SLC35D4: variants seen among roughly 807,000 people sequenced by gnomAD.
SLC35D4 encodes solute carrier family 35 member D4.
chr18:23,365,780 G>T, the SLC35D4 span: 1 of 1,170,810 alleles, frequency 8.5e-7, no homozygotes. Flanking sequence ...CAAATTATCT[G>T]CACTGACTCA....
chr18:23,313,156 A>AAAAAAAAAAAAAAAAAAAT, the SLC35D4 span, among the ~76,000 whole-genome samples: 9 of 146,626 alleles, frequency 6.1e-5, no homozygotes, highest in Non-Finnish European at 1.1e-4. Flanking sequence ...AAAAAAAAAA[A>AAAAAAAAAAAAAAAAAAAT]AGAACCTGAG....
the SLC35D4 span, among the ~76,000 whole-genome samples, chr18:23,256,357 T>C: frequency 2.2e-4 from 34 of 152,340 alleles, no homozygotes; most frequent in Middle Eastern, 6.8e-3. Flanking sequence ...TGTAGCACTG[T>C]GAAAGTGGAG....
chr18:23,290,977 A>T, the SLC35D4 span, among the ~76,000 whole-genome samples: 2 of 152,222 alleles, frequency 1.3e-5, no homozygotes, highest in African/African-American at 2.4e-5. Context: ...TGTCTCTGCC[A>T]CTAGAAAGTA....
chr18:23,276,427 A>ATT, the SLC35D4 span, among the ~76,000 whole-genome samples: 3 of 147,060 alleles, frequency 2.0e-5, no homozygotes, highest in Admixed American at 2.2e-4. Flanking sequence ...TTTTACCAGA[A>ATT]TTTTGTTTTT....
the SLC35D4 span, among the ~76,000 whole-genome samples, chr18:23,291,438 G>A: frequency 6.6e-6 from 1 of 152,220 alleles, no homozygotes; most frequent in Non-Finnish European, 1.5e-5. Flanking sequence ...ATGCTTTTGT[G>A]GCAGGAATTC....
the SLC35D4 span, among the ~76,000 whole-genome samples, chr18:23,378,068 C>T: frequency 3.7e-4 from 56 of 151,828 alleles, no homozygotes; most frequent in African/African-American, 1.3e-3. Context: ...CTCTGTTGCC[C>T]TGGCTGGAGT....
the SLC35D4 span, among the ~76,000 whole-genome samples, chr18:23,429,886 C>A: frequency 6.6e-6 from 1 of 152,056 alleles, no homozygotes; most frequent in African/African-American, 2.4e-5. Context: ...TATTTAGGTT[C>A]CTTATAGATT....
At chr18:23,417,404 A>G in the SLC35D4 span, among the ~76,000 whole-genome samples, 5 of 152,224 alleles carry the variant, frequency 3.3e-5, no homozygotes, top group African/African-American at 1.2e-4. Flanking sequence ...AATGCTAAGT[A>G]AAATAAGTCA....
At chr18:23,417,687 C>T in the SLC35D4 span, among the ~76,000 whole-genome samples, 1 of 152,074 alleles carries the variant, frequency 6.6e-6, no homozygotes, top group African/African-American at 2.4e-5. Context: ...TTATGTAATA[C>T]ATATTTTATT....
At chr18:23,409,777 G>C in the SLC35D4 span, among the ~76,000 whole-genome samples, 3 of 151,740 alleles carry the variant, frequency 2.0e-5, no homozygotes, top group Non-Finnish European at 4.4e-5. Context: ...CCAGGAGGTG[G>C]AGGCTGCAGT....
At chr18:23,248,232 C>T in the SLC35D4 span, among the ~76,000 whole-genome samples, 6 of 152,286 alleles carry the variant, frequency 3.9e-5, no homozygotes, top group East Asian at 3.9e-4. Context: ...GATCGGATAT[C>T]GTCAGTGCCT....
At chr18:23,309,596 C>T in the SLC35D4 span, 1 of 1,223,558 alleles carries the variant, frequency 8.2e-7, no homozygotes. Flanking sequence ...CACTCCCTTT[C>T]TGCAACATTT....
chr18:23,373,513 C>T, the SLC35D4 span, among the ~76,000 whole-genome samples: 1 of 152,178 alleles, frequency 6.6e-6, no homozygotes, highest in East Asian at 1.9e-4. Context: ...ACGATGCCTG[C>T]AGCCCTGCGG....
At chr18:23,383,019 C>A in the SLC35D4 span, among the ~76,000 whole-genome samples, 1 of 152,266 alleles carries the variant, frequency 6.6e-6, no homozygotes, top group South Asian at 2.1e-4. Flanking sequence ...TCCAAGGGGC[C>A]TCCAGGGTTT....
chr18:23,276,446 T>TA, the SLC35D4 span, among the ~76,000 whole-genome samples: 1 of 151,342 alleles, frequency 6.6e-6, no homozygotes, highest in Non-Finnish European at 1.5e-5. Context: ...TTTTTTTTTT[T>TA]AGAAAAAGGA....
chr18:23,413,148 C>T, the SLC35D4 span, among the ~76,000 whole-genome samples: 98 of 152,300 alleles, frequency 6.4e-4, 1 homozygote, highest in Admixed American at 3.9e-3. Context: ...GGATTACAGG[C>T]GTGAGCCACC....
At chr18:23,401,317 T>TA in the SLC35D4 span, among the ~76,000 whole-genome samples, 2 of 152,312 alleles carry the variant, frequency 1.3e-5, no homozygotes, top group East Asian at 3.9e-4. Flanking sequence ...ACGGACCTCA[T>TA]AATCTAATGG....
At chr18:23,419,104 T>C in the SLC35D4 span, among the ~76,000 whole-genome samples, 4 of 152,164 alleles carry the variant, frequency 2.6e-5, no homozygotes, top group Admixed American at 2.6e-4. Context: ...AGCCTGCTCA[T>C]TCAGCTGGGA....
the SLC35D4 span, among the ~76,000 whole-genome samples, chr18:23,372,721 C>T: frequency 8.5e-5 from 13 of 152,160 alleles, no homozygotes; most frequent in East Asian, 3.9e-4. Flanking sequence ...CCCTGTATCT[C>T]GAGGACAGAG....
Sources: gnomAD v4.1 joint callset for allele counts (sites outside exome capture counted in the v4.1 genomes callset) on GRCh38, gnomAD v4.1.1 for gene constraint, MANE v1.5 for transcripts, NCBI Gene and HGNC (gene_info 2026-07-23, HGNC 2026-07-21) for gene names.